The following RAD54B variants were observed in gnomAD, a reference collection of about 807,000 sequenced individuals.
RAD54B encodes DNA repair and recombination protein RAD54B.
RAD54B carries 78 observed loss-of-function variants against 95.8 expected under a neutral mutation model. That is an observed-to-expected ratio of 0.81 (90% CI 0.68 to 0.98). RAD54B has a LOEUF of 0.98. RAD54B is among the 50% of genes least tolerant of loss of function. The probability of loss-of-function intolerance (pLI) is 0.00; values close to 1 mark genes in which losing one functional copy is unlikely to be tolerated. For missense variants in RAD54B, 957 were observed against 1,056.6 expected, an observed-to-expected ratio of 0.91 and a Z score of 1.31; for synonymous variants, 328 against 354.9, an observed-to-expected ratio of 0.92 and a Z score of 0.85.
Position 94,387,069 on chromosome 8 carries a change from G to A in RAD54B, c.1900C>T (p.Leu634Phe). 1 of 1,613,506 alleles carries A rather than the reference G, an allele frequency of 6.2e-7. No homozygotes were observed. The highest frequency in any genetic ancestry group is 8.5e-7 in the Non-Finnish European group (1 of 1,179,552). The change falls in exon 11 of 15, where the codon CTC becomes TTC. Residue 634 changes from leucine (L) to phenylalanine (F), a missense_variant. Coordinates refer to ENST00000336148, the MANE Select transcript of RAD54B (RefSeq NM_012415.3). ...CCTGACTCCTTTTCAGTAAACAGGA[G>A]AGGGTTGTAGTCAGCAGGAAACACA... The part of the protein sequence containing the change: ...LSVFPADYNP[L>F]LFTEKESGKL...
At chr8:94,412,476 A>G (rs1811553386) in intron 3 of RAD54B, among the ~76,000 whole-genome samples, 1 of 152,106 alleles carries the variant, frequency 6.6e-6, no homozygotes, top group Non-Finnish European at 1.5e-5. Context: ...AGAAATGAGA[A>G]TAAATATTAT....
intron 14 of RAD54B, among the ~76,000 whole-genome samples, chr8:94,376,845 T>G (rs1810588175): frequency 6.6e-6 from 1 of 150,952 alleles, no homozygotes; most frequent in South Asian, 2.1e-4. Context: ...AAGAGAAACA[T>G]TTATATAAAG....
At chr8:94,393,638 A>G in intron 9 of RAD54B, 105 bp downstream of exon 9, 2 of 1,085,418 alleles carry the variant, frequency 1.8e-6, no homozygotes, top group Non-Finnish European at 2.7e-6. Flanking sequence ...AGAAAAATAA[A>G]GAGTTCACAC....
intron 3 of RAD54B, among the ~76,000 whole-genome samples, chr8:94,451,620 T>C (rs1266224319): frequency 6.6e-6 from 1 of 152,210 alleles, no homozygotes; most frequent in Non-Finnish European, 1.5e-5. Context: ...ATTGACATCA[T>C]GTGCCTTCTG....
intron 1 of RAD54B, among the ~76,000 whole-genome samples, chr8:94,472,059 C>T (rs1486466441): frequency 3.3e-5 from 5 of 151,958 alleles, no homozygotes; most frequent in Admixed American, 3.3e-4. Flanking sequence ...TTATATATAA[C>T]CAGCCTTTAT....
chr8:94,389,643 T>A (rs1469696319), intron 10 of RAD54B, among the ~76,000 whole-genome samples: 1 of 152,186 alleles, frequency 6.6e-6, no homozygotes, highest in African/African-American at 2.4e-5. Flanking sequence ...AGACCTAACA[T>A]CTTAATTGAA....
At chr8:94,413,579 C>T (rs1394245115) in intron 3 of RAD54B, among the ~76,000 whole-genome samples, 1 of 151,988 alleles carries the variant, frequency 6.6e-6, no homozygotes, top group Admixed American at 6.6e-5. Flanking sequence ...AAATGTAAAA[C>T]CTAAAACAAA....
chr8:94,393,894 C>T lies in RAD54B; in HGVS notation c.1379-12G>A. The T allele has an allele frequency of 6.4e-7, 1 of 1,565,340 alleles. No individual in the cohort carries two copies. The highest frequency in any genetic ancestry group is 1.4e-5 in the African/African-American group (1 of 72,284). ...CTGAATTGGAGTACCTAAAGAGAGA[C>T]AAAAATGAGTAAAAGGTCAAGTTTG... is the stretch of plus-strand genomic sequence containing the variant. On this transcript the variant is annotated splice_polypyrimidine_tract_variant and intron_variant, in intron 8 of 14. Transcript: ENST00000336148.
Position 94,380,265 on chromosome 8 carries a change from T to A in RAD54B, c.2127A>T (p.Gln709His). 1 of 1,614,098 alleles carries A rather than the reference T, an allele frequency of 6.2e-7. No homozygotes were observed. The highest frequency in any genetic ancestry group is 8.5e-7 in the Non-Finnish European group (1 of 1,179,994). The change falls in exon 12 of 15, where the codon CAA (glutamine) becomes CAT (histidine). Residue 709 changes from glutamine to histidine, a missense_variant. Coordinates refer to ENST00000336148, the MANE Select transcript of RAD54B (RefSeq NM_012415.3). ...RQQIVDGFNS[Q>H]HSSFFIFLLS... The stretch of plus-strand genomic sequence containing the variant: ...ACAAAAAAATAAAAAAAGAAGAGTG[T>A]TGACTGTTAAAGCCATCAACAATCT...
intron 4 of RAD54B, among the ~76,000 whole-genome samples, chr8:94,410,778 C>G (rs952479839): frequency 1.3e-5 from 2 of 152,136 alleles, no homozygotes; most frequent in Admixed American, 6.5e-5. Flanking sequence ...ATTTTAACCA[C>G]TTAGCATTCT....
intron 11 of RAD54B, among the ~76,000 whole-genome samples, chr8:94,385,309 T>G (rs1810858166): frequency 6.6e-6 from 1 of 150,758 alleles, no homozygotes. Context: ...CTCATTATCC[T>G]TTGTCCAATG....
At chr8:94,391,421 T>C (rs945144941) in intron 10 of RAD54B, among the ~76,000 whole-genome samples, 188 bp downstream of exon 10, 3 of 147,416 alleles carry the variant, frequency 2.0e-5, no homozygotes, top group Non-Finnish European at 4.5e-5. Flanking sequence ...GCTCTAGGAG[T>C]GTGGACATGC....
chr8:94,394,225 A>C (rs1468225658), intron 8 of RAD54B, among the ~76,000 whole-genome samples: 1 of 152,102 alleles, frequency 6.6e-6, no homozygotes, highest in East Asian at 1.9e-4. Context: ...ACACCAGTTT[A>C]TTTTCTGTAA....
chr8:94,387,743 G>T (rs1188754840), intron 10 of RAD54B, among the ~76,000 whole-genome samples: 1 of 152,120 alleles, frequency 6.6e-6, no homozygotes, highest in African/African-American at 2.4e-5. Context: ...ACCAATAGTT[G>T]TAGAATAAAT....
At chr8:94,378,699 A>G in intron 12 of RAD54B, 65 bp from the exon 13 acceptor site, 1 of 1,059,412 alleles carries the variant, frequency 9.4e-7, no homozygotes, top group Admixed American at 2.3e-5. Flanking sequence ...CACACATGCA[A>G]TTTGCAGAAA....
intron 3 of RAD54B, among the ~76,000 whole-genome samples, chr8:94,438,974 T>C (rs1812334889): frequency 6.6e-6 from 1 of 152,168 alleles, no homozygotes; most frequent in African/African-American, 2.4e-5. Context: ...TGCCTGTAGT[T>C]CCAGCTATTC....
chr8:94,381,189 G>A (rs1334055982), intron 11 of RAD54B, among the ~76,000 whole-genome samples: 1 of 152,046 alleles, frequency 6.6e-6, no homozygotes, highest in Non-Finnish European at 1.5e-5. Context: ...CCCTTTTCCT[G>A]CCAACTACTA....
chr8:94,410,177 C>T (rs1390401407), intron 4 of RAD54B, among the ~76,000 whole-genome samples: 1 of 152,186 alleles, frequency 6.6e-6, no homozygotes, highest in Non-Finnish European at 1.5e-5. Flanking sequence ...CCTATAACCT[C>T]CAAAACTATT....
intron 3 of RAD54B, among the ~76,000 whole-genome samples, chr8:94,417,929 C>G (rs1811715408): frequency 6.6e-6 from 1 of 152,124 alleles, no homozygotes; most frequent in African/African-American, 2.4e-5. Context: ...TCAGCTCTGT[C>G]TGGCATGACC....
Sources: gnomAD v4.1 joint callset for allele counts (sites outside exome capture counted in the v4.1 genomes callset) on GRCh38, gnomAD v4.1.1 for gene constraint, MANE v1.5 for transcripts, NCBI Gene and HGNC (gene_info 2026-07-23, HGNC 2026-07-21) for gene names.